TCN2: variants seen among roughly 807,000 people sequenced by gnomAD.
TCN2 encodes transcobalamin 2.
Under a neutral mutation model 48.6 loss-of-function variants are expected in TCN2, and 34 were observed. That is an observed-to-expected ratio of 0.70 (90% CI 0.53 to 0.93). The LOEUF (loss-of-function observed/expected upper bound fraction) is 0.93, where lower values mean the gene tolerates loss of function less well. Among genes scored for constraint, TCN2 ranks in the 40% least tolerant of loss-of-function variants. The probability of loss-of-function intolerance (pLI) is 0.00; values close to 1 mark genes in which losing one functional copy is unlikely to be tolerated. For missense variants in TCN2, 652 were observed against 526.1 expected (o/e 1.24, Z -2.34); for synonymous variants, 283 against 212.5 (o/e 1.33, Z -2.89).
At chr22:30,609,020 C>T (rs1046568752) in intron 1 of TCN2, among the ~76,000 whole-genome samples, 3 of 152,046 alleles carry the variant, frequency 2.0e-5, no homozygotes, top group South Asian at 4.2e-4. Context: ...CCTTCCTCCT[C>T]GGTGTAGTAC....
intron 1 of TCN2, among the ~76,000 whole-genome samples, chr22:30,607,643 A>G (rs775785725): frequency 2.6e-5 from 4 of 152,204 alleles, no homozygotes; most frequent in Non-Finnish European, 5.9e-5. Context: ...TTTCTGTGTC[A>G]GGCCCAGTGT....
rs771200795 is a variant in TCN2, at chr22:30,614,432, G to T, written c.511G>T (p.Val171Phe). Reference sequence around the variant, plus strand: ...GGCCCTGTGTCTCCACCAGAAGCGGGTCCATGACAGCGTGGTGGACAAACT... The same window carrying T: ...GGCCCTGTGTCTCCACCAGAAGCGGTTCCATGACAGCGTGGTGGACAAACT... ...ILALCLHQKR[V>F]HDSVVDKLLY... is the part of the protein sequence containing the mutation. The change falls in exon 4 of 9, where the codon GTC (valine) becomes TTC (phenylalanine). Residue 171 changes from valine (V) to phenylalanine (F), a missense_variant. Val to Phe is a conservative substitution (Grantham distance 50, BLOSUM62 -1). Coordinates refer to ENST00000215838, the MANE Select transcript of TCN2 (RefSeq NM_000355.4). The T allele has an allele frequency of 9.3e-6, 15 of 1,614,180 alleles. No individual in the cohort carries two copies. Among genetic ancestry groups the T allele is most frequent in the Non-Finnish European group, 1.3e-5 (15 of 1,180,032 alleles).
Position 30,615,309 on chromosome 22 carries a change from G to A in TCN2, c.589G>A (p.Ala197Thr). ...HQGHHSVDTA[A>T]MAGLAFTCLK... is the part of the protein sequence containing the mutation. ...CTGTCCCCCACTTCAAGACACAGCA[G>A]CCATGGCAGGCTTGGCATTCACCTG... The change falls in exon 5 of 9, where the codon GCC (alanine) becomes ACC (threonine). Residue 197 changes from alanine (A) to threonine (T), a missense_variant. Coordinates refer to ENST00000215838, the MANE Select transcript of TCN2 (RefSeq NM_000355.4). The A allele has an allele frequency of 6.2e-7, 1 of 1,614,208 alleles. No individual in the cohort carries two copies.
Position 30,623,164 on chromosome 22 carries a change from T to C in TCN2, c.1222+81T>C, listed in dbSNP as rs570672132. 433 of 1,399,756 alleles carry C rather than the reference T, an allele frequency of 3.1e-4. 1 individual carries two copies. The highest frequency in any genetic ancestry group is 2.6e-3 in the South Asian group (223 of 86,162). The allele number at this position is 1,399,756 out of a possible 1,614,324, so 86.7% of individuals were successfully genotyped here. ...AGAGGCTTCATCAACTCACCCCAGCTTTCCCTAGCACCCTCCTGGGCCACA... is the reference window on the plus strand; with the variant it reads ...AGAGGCTTCATCAACTCACCCCAGCCTTCCCTAGCACCCTCCTGGGCCACA... On this transcript the variant is annotated intron_variant, in intron 8 of 8. Transcript: ENST00000215838.
At chr22:30,623,793 TATACACAC>T (rs1175859851) in intron 8 of TCN2, among the ~76,000 whole-genome samples, 34 of 2,544 alleles carry the variant, frequency 0.013, 3 homozygotes, top group Non-Finnish European at 0.017. Flanking sequence ...TGTATACATA[TATACACAC>T]ATACACATAT....
chr22:30,607,407 G>T lies in TCN2; in HGVS notation c.64+12G>T. 6.2e-7 allele frequency: 1 copy of T among 1,614,058 alleles called. No individual in the cohort carries two copies. The highest frequency in any genetic ancestry group is 8.5e-7 in the Non-Finnish European group (1 of 1,179,952). On this transcript the variant is annotated intron_variant, in intron 1 of 8. Coordinates refer to ENST00000215838, the MANE Select transcript of TCN2 (RefSeq NM_000355.4). ...CACTGAGATGTGTGGTGAGTAACTC[G>T]CCTCTATCCTGTGCCTCTTTCCTCC...
rs2087747726 is a variant in TCN2 at position 30,623,855 on chromosome 22, T to TACATAC, written c.1222+776_1222+781dup. On this transcript the variant is annotated intron_variant, in intron 8 of 8. Coordinates refer to ENST00000215838, the MANE Select transcript of TCN2 (RefSeq NM_000355.4). Reference sequence around the variant, plus strand: ...ACATATACACACACATACATACACATACATACACACATATATACACACATA... The same window carrying TACATAC: ...ACATATACACACACATACATACACATACATACACATACACACATATATACACACATA... 1.8e-4 allele frequency among the ~76,000 whole-genome samples: 10 copies of TACATAC among 56,254 alleles called. 3 individuals carry two copies. The East Asian group carries it at 2.6e-3, about 15-fold the overall frequency. The allele number at this position is 56,254 out of a possible 152,430, so 36.9% of individuals were successfully genotyped here.
chr22:30,610,705 C>G (rs1349337739), intron 1 of TCN2, among the ~76,000 whole-genome samples, 166 bp from the exon 2 acceptor site: 1 of 152,218 alleles, frequency 6.6e-6, no homozygotes, highest in Non-Finnish European at 1.5e-5. Flanking sequence ...TTTTCTCCTC[C>G]CACTGCCTTT....
In TCN2 at chr22:30,617,496, G is replaced by A. The variant is rs766478911; in HGVS notation, c.1106+1G>A. The A allele has an allele frequency of 3.1e-6, 5 of 1,614,006 alleles. No individual in the cohort carries two copies. The highest frequency in any genetic ancestry group is 1.1e-5 in the South Asian group (1 of 91,086). On this transcript the variant is annotated splice_donor_variant, in intron 7 of 8. Transcript: ENST00000215838. LOFTEE classifies it high-confidence loss of function. The stretch of plus-strand genomic sequence containing the variant: ...AGGCCCATGAGTTAGGAGGATTCAC[G>A]TGAGACTCCCACCTCCCAGTCCTCA...
chr22:30,620,541 C>T (rs946079914), intron 7 of TCN2, among the ~76,000 whole-genome samples: 5 of 152,218 alleles, frequency 3.3e-5, no homozygotes, highest in Admixed American at 6.5e-5. Context: ...TGGCACATAA[C>T]GCAATGCTGC....
Position 30,623,248 on chromosome 22 carries a change from A to C in TCN2, c.1222+165A>C, listed in dbSNP as rs114307581. The C allele has an allele frequency of 0.37, 216,299 of 587,718 alleles. 42,798 individuals are homozygous for C. The highest frequency in any genetic ancestry group is 0.41 in the Non-Finnish European group (138,032 of 336,828). The allele number at this position is 587,718 out of a possible 1,614,324, so 36.4% of individuals were successfully genotyped here. A position where few individuals can be genotyped will look rare whatever the true frequency, so the allele number is the denominator to read the frequency against. ...ATAATATATTGAACTGAAGCCTTAGAATTTTTATGCAAGTTACTGTGGAAA... is the reference window on the plus strand; with the variant it reads ...ATAATATATTGAACTGAAGCCTTAGCATTTTTATGCAAGTTACTGTGGAAA... On this transcript the variant is annotated intron_variant, in intron 8 of 8. Transcript: ENST00000215838.
At chr22:30,612,597 T>C (rs959589203) in intron 2 of TCN2, among the ~76,000 whole-genome samples, 4 of 151,986 alleles carry the variant, frequency 2.6e-5, no homozygotes, top group African/African-American at 9.7e-5. Flanking sequence ...GGAGGGGGCA[T>C]ATGGGTGAAG....
chr22:30,614,220 A>C, intron 3 of TCN2, 129 bp from the exon 4 acceptor site: 2 of 1,225,408 alleles, frequency 1.6e-6, no homozygotes, highest in South Asian at 1.4e-5. Flanking sequence ...GGCTGAGGCA[A>C]TGAAGGAATG....
At position 30,607,311 on chromosome 22, in the gene TCN2, G is replaced by T. The variant is rs746703014; in HGVS notation, c.-21G>T. 1 of 1,613,976 alleles carries T rather than the reference G, an allele frequency of 6.2e-7. No homozygotes were observed. Among genetic ancestry groups the T allele is most frequent in the African/African-American group, 1.3e-5 (1 of 74,902 alleles). On this transcript the variant is annotated 5_prime_UTR_variant, in exon 1 of 9. Coordinates refer to ENST00000215838, the MANE Select transcript of TCN2 (RefSeq NM_000355.4). ...GAGTCTTTCCCGATTCTTGCTCACT[G>T]CTCACCCACCTGCTGCTGCCATGAG...
rs139540214 is a variant in TCN2, at chr22:30,626,836, G to A, written c.*315G>A. The A allele has an allele frequency of 1.2e-3, 571 of 472,574 alleles. 5 individuals carry two copies. The highest frequency in any genetic ancestry group is 9.9e-3 in the African/African-American group (505 of 50,848). The allele number at this position is 472,574 out of a possible 1,614,324, so 29.3% of individuals were successfully genotyped here. ...CATCTCAGACTCCTTGGCAAAAAAC[G>A]GAGTCCGCAGGCCGCAGGTGTTGTG... On this transcript the variant is annotated 3_prime_UTR_variant, in exon 9 of 9. Transcript: ENST00000215838.
chr22:30,612,753 T>TTA lies in TCN2; in HGVS notation c.258-118_258-117dup. 3 of 1,262,294 alleles carry TTA rather than the reference T, an allele frequency of 2.4e-6. 1 individual carries two copies. The South Asian group carries it at 3.8e-5, about 16-fold the overall frequency. The allele number at this position is 1,262,294 out of a possible 1,614,324, so 78.2% of individuals were successfully genotyped here. On this transcript the variant is annotated intron_variant, in intron 2 of 8. Transcript: ENST00000215838. The stretch of plus-strand genomic sequence containing the variant: ...GCCAACACACCTCCTTTTGGAGCTT[T>TTA]TATCAAAGTTTCCCACTGTTAAGAT...
chr22:30,607,183 G>T lies in TCN2; in HGVS notation c.-149G>T. 5.6e-5 allele frequency: 44 copies of T among 789,918 alleles called. No homozygotes were observed. The highest frequency in any genetic ancestry group is 7.3e-5 in the Non-Finnish European group (34 of 463,958). The allele number at this position is 789,918 out of a possible 1,614,324, so 48.9% of individuals were successfully genotyped here. ...CCCGCCCCACCCCTCTGCAGACTTA[G>T]CCGTGCATTGCAGGCATGGAGGATT... On this transcript the variant is annotated 5_prime_UTR_variant, in exon 1 of 9. Transcript: ENST00000215838.
Position 30,610,975 on chromosome 22 carries a change from G to A in TCN2, c.169G>A (p.Gly57Ser), listed in dbSNP as rs1230320964. 1 of 1,614,142 alleles carries A rather than the reference G, an allele frequency of 6.2e-7. No homozygotes were observed. The highest frequency in any genetic ancestry group is 8.5e-7 in the Non-Finnish European group (1 of 1,180,024). Residue 57 changes from glycine to serine, a missense_variant, in exon 2 of 9, where the codon GGC (glycine) becomes AGC (serine). Gly to Ser is a moderately conservative substitution (Grantham distance 56). Transcript: ENST00000215838. Reference protein sequence around the residue: ...LEHLNPSIYVGLRLSSLQAGT... With the variant: ...LEHLNPSIYVSLRLSSLQAGT... ...GCACTTGAACCCCAGCATCTATGTG[G>A]GCCTACGCCTCTCCAGTCTGCAGGC...
chr22:30,626,791 A>G lies in TCN2; in HGVS notation c.*270A>G, dbSNP rs2087817650. On this transcript the variant is annotated 3_prime_UTR_variant, in exon 9 of 9. Coordinates refer to ENST00000215838, the MANE Select transcript of TCN2 (RefSeq NM_000355.4). ...GCAGGTCTCCCATGAAGGCCACCCC[A>G]TGGTCTGATGGGCATGAAGCATCTC... 1.8e-6 allele frequency: 1 copy of G among 557,284 alleles called. No homozygotes were observed. Among genetic ancestry groups the G allele is most frequent in the South Asian group, 2.0e-5 (1 of 49,616 alleles). The allele number at this position is 557,284 out of a possible 1,614,324, so 34.5% of individuals were successfully genotyped here. A position where few individuals can be genotyped will look rare whatever the true frequency, so the allele number is the denominator to read the frequency against.
Sources: allele counts gnomAD v4.1 joint callset (sites outside exome capture counted in the v4.1 genomes callset), GRCh38; gene constraint gnomAD v4.1.1; transcripts MANE v1.5; gene names NCBI Gene and HGNC (gene_info 2026-07-23, HGNC 2026-07-21).